CCNJL: variants seen among roughly 807,000 people sequenced by gnomAD.
The protein encoded by CCNJL is cyclin-J-like protein.
CCNJL carries 33 observed loss-of-function variants against 33.4 expected under a neutral mutation model. The observed-to-expected ratio is 0.99, with a 90% CI of 0.75 to 1.32. The LOEUF is 1.32. CCNJL is among the 40% of genes most tolerant of loss of function. The probability of loss-of-function intolerance (pLI) is 0.00; values close to 1 mark genes in which losing one functional copy is unlikely to be tolerated. For synonymous variants in CCNJL, 227 were observed against 220.9 expected (o/e 1.03, Z -0.24); for missense variants, 512 against 499.7 (o/e 1.02, Z -0.23).
At position 160,250,657 on chromosome 5, in the gene CCNJL, C is replaced by G. The variant is rs1277124365; in HGVS notation, c.*2721G>C. 1 of 152,214 alleles carries G rather than the reference C, an allele frequency of 6.6e-6. No homozygotes were observed. Among genetic ancestry groups the G allele is most frequent in the Non-Finnish European group, 1.5e-5 (1 of 68,040 alleles). 9.4% of individuals were successfully genotyped at this position (152,214 alleles called of 1,614,324 possible). ...TTTTTCATAACAGCTGATGCTATATCTCATCAATTCTACATATACATATTT... is the reference window on the plus strand; with the variant it reads ...TTTTTCATAACAGCTGATGCTATATGTCATCAATTCTACATATACATATTT... On this transcript the variant is annotated 3_prime_UTR_variant, in exon 6 of 6. Coordinates refer to ENST00000257536, the MANE Select transcript of CCNJL (RefSeq NM_001308173.3).
chr5:160,249,805 T>A lies in CCNJL; in HGVS notation c.*3573A>T, dbSNP rs929737007. On this transcript the variant is annotated 3_prime_UTR_variant, in exon 6 of 6. Transcript: ENST00000257536. ...ATAAATAAATAAATAAATAAATAAA[T>A]AAAATAAAAATTTAAAAAATCAAAC... 1.7e-4 allele frequency: 24 copies of A among 143,558 alleles called. No homozygotes were observed. Among genetic ancestry groups the A allele is most frequent in the African/African-American group, 2.4e-4 (9 of 37,662 alleles). The allele number at this position is 143,558 out of a possible 1,614,324, so 8.9% of individuals were successfully genotyped here.
At chr5:160,258,898 T>C (rs942370737) in intron 4 of CCNJL, among the ~76,000 whole-genome samples, 1 of 152,200 alleles carries the variant, frequency 6.6e-6, no homozygotes, top group African/African-American at 2.4e-5. Flanking sequence ...GGTTTCCCCA[T>C]GTTGGCCAGG....
intron 3 of CCNJL, among the ~76,000 whole-genome samples, chr5:160,278,066 C>T (rs535662113): frequency 2.0e-5 from 3 of 152,154 alleles, no homozygotes. Flanking sequence ...CACCACCATG[C>T]CCAGCTAATT....
intron 1 of CCNJL, among the ~76,000 whole-genome samples, chr5:160,327,302 G>A (rs1052732279): frequency 2.6e-5 from 4 of 152,212 alleles, no homozygotes; most frequent in Non-Finnish European, 5.9e-5. Context: ...TAGCTACTTT[G>A]TGTCAGGCAC....
chr5:160,308,539 C>T (rs770413205), intron 2 of CCNJL, among the ~76,000 whole-genome samples: 14 of 152,178 alleles, frequency 9.2e-5, no homozygotes, highest in Non-Finnish European at 1.6e-4. Flanking sequence ...TGACGGATAA[C>T]GAGGTCAGGG....
At chr5:160,326,597 T>A in intron 1 of CCNJL, 1 of 498,852 alleles carries the variant, frequency 2.0e-6, no homozygotes, top group Non-Finnish European at 3.9e-6. Flanking sequence ...TCAACTCTAA[T>A]CATAGTCCTC....
At chr5:160,281,065 T>C (rs1580980327) in intron 2 of CCNJL, 1 of 176,066 alleles carries the variant, frequency 5.7e-6, no homozygotes, top group East Asian at 2.8e-4. Context: ...GTCCAAATTC[T>C]TTTTTTTTCC....
chr5:160,299,253 G>A (rs1453828239), intron 2 of CCNJL, among the ~76,000 whole-genome samples: 1 of 152,032 alleles, frequency 6.6e-6, no homozygotes, highest in African/African-American at 2.4e-5. Flanking sequence ...GGGTTTAAGC[G>A]ATTCTCCTGC....
rs7737207 is a variant in CCNJL, at chr5:160,335,977, C to T, written n.206+3468G>A. Among the ~76,000 whole-genome samples, 360 of 152,266 alleles carry T rather than the reference C, an allele frequency of 2.4e-3. 1 individual carries two copies. Among genetic ancestry groups the T allele is most frequent in the African/African-American group, 7.5e-3 (313 of 41,542 alleles). On this transcript the variant is annotated intron_variant and non_coding_transcript_variant, in intron 1 of 7. Coordinates refer to the CCNJL transcript ENST00000377503. Reference sequence around the variant, plus strand: ...AGCAACCACTTACTTTTCAGTCCTCCTCATCGTCCACAATCCAAATACCAG... The same window carrying T: ...AGCAACCACTTACTTTTCAGTCCTCTTCATCGTCCACAATCCAAATACCAG...
intron 2 of CCNJL, among the ~76,000 whole-genome samples, chr5:160,298,729 A>C (rs894697612): frequency 1.3e-5 from 2 of 152,178 alleles, no homozygotes; most frequent in Non-Finnish European, 2.9e-5. Context: ...ACAGCTAGAA[A>C]ACAGGTAGGC....
In CCNJL at chr5:160,249,469, C is replaced by T. The variant is rs1760749213; in HGVS notation, c.*3909G>A. The T allele has an allele frequency of 6.6e-6, 1 of 152,018 alleles. No individual in the cohort carries two copies. Among genetic ancestry groups the T allele is most frequent in the African/African-American group, 2.4e-5 (1 of 41,398 alleles). The allele number at this position is 152,018 out of a possible 1,614,324, so 9.4% of individuals were successfully genotyped here. A position where few individuals can be genotyped will look rare whatever the true frequency, so the allele number is the denominator to read the frequency against. ...CATATAGACGTCAGAAAATACTTTT[C>T]AAAACAAGCTGGACCAGGCGTAGTG... is the stretch of plus-strand genomic sequence containing the variant. On this transcript the variant is annotated 3_prime_UTR_variant, in exon 6 of 6. Coordinates refer to ENST00000257536, the MANE Select transcript of CCNJL (RefSeq NM_001308173.3).
chr5:160,285,904 G>A (rs543280454), intron 2 of CCNJL, among the ~76,000 whole-genome samples: 2 of 152,244 alleles, frequency 1.3e-5, no homozygotes, highest in Non-Finnish European at 2.9e-5. Flanking sequence ...ACAGCTGGTA[G>A]CAGCAGCCAG....
At chr5:160,291,750 G>A (rs1683570447) in intron 2 of CCNJL, among the ~76,000 whole-genome samples, 1 of 152,216 alleles carries the variant, frequency 6.6e-6, no homozygotes, top group Admixed American at 6.5e-5. Context: ...GCCCTAGTAA[G>A]AACGTCCACA....
upstream of CCNJL, among the ~76,000 whole-genome samples, chr5:160,315,777 C>T (rs956612380): frequency 1.3e-5 from 2 of 152,160 alleles, no homozygotes; most frequent in Non-Finnish European, 2.9e-5. Flanking sequence ...AAAATAATCA[C>T]ATGACATATC....
rs1283667586 is a variant in CCNJL at position 160,291,048 on chromosome 5, AAAAAAAAAAAAAAG to A, written c.67-10324_67-10311del. Reference sequence around the variant, plus strand: ...CCCCGTCTTTACTTAAAAAAAAAAAAAAAAAAAAAAAAAGAAAGAAAGAGAGAGAGAAAGAAAGA... The same window carrying A: ...CCCCGTCTTTACTTAAAAAAAAAAAAAAAGAAAGAGAGAGAGAAAGAAAGA... On this transcript the variant is annotated intron_variant, in intron 2 of 5. Coordinates refer to ENST00000257536, the MANE Select transcript of CCNJL (RefSeq NM_001308173.3). Among the ~76,000 whole-genome samples the A allele has an allele frequency of 2.1e-3, 320 of 149,934 alleles. 3 individuals are homozygous for A. Among genetic ancestry groups the A allele is most frequent in the African/African-American group, 7.5e-3 (306 of 40,864 alleles).
chr5:160,282,966 AATATATATATATATATAT>A lies in CCNJL; in HGVS notation c.67-2246_67-2229del, dbSNP rs70990720. 4.3e-3 allele frequency among the ~76,000 whole-genome samples: 188 copies of A among 43,388 alleles called. 9 individuals carry two copies. Among genetic ancestry groups the A allele is most frequent in the African/African-American group, 0.01 (142 of 13,692 alleles). The allele number at this position is 43,388 out of a possible 152,430, so 28.5% of individuals were successfully genotyped here. ...GTGACCCAGCCATTCCAGTCCTTGGAATATATATATATATATATATATATATATATATATATATATATA... is the reference window on the plus strand; with the variant it reads ...GTGACCCAGCCATTCCAGTCCTTGGAATATATATATATATATATATATATA... On this transcript the variant is annotated intron_variant, in intron 2 of 5. Transcript: ENST00000257536.
At chr5:160,329,178 C>T (rs1252744819) in intron 1 of CCNJL, among the ~76,000 whole-genome samples, 2 of 152,062 alleles carry the variant, frequency 1.3e-5, no homozygotes, top group Non-Finnish European at 2.9e-5. Context: ...TTGGACTGAG[C>T]CCCTATACTA....
At chr5:160,303,304 C>G (rs139382340) in intron 2 of CCNJL, among the ~76,000 whole-genome samples, 2 of 152,130 alleles carry the variant, frequency 1.3e-5, no homozygotes, top group African/African-American at 4.8e-5. Context: ...CTCCCGGGTT[C>G]AAGCGATTCT....
chr5:160,306,697 A>C (rs1301091694), intron 2 of CCNJL, among the ~76,000 whole-genome samples: 5 of 152,186 alleles, frequency 3.3e-5, no homozygotes, highest in Admixed American at 3.3e-4. Context: ...TTGGAGAGGG[A>C]AGACTATGTG....
Sources: gnomAD v4.1 joint callset for allele counts (sites outside exome capture counted in the v4.1 genomes callset) on GRCh38, gnomAD v4.1.1 for gene constraint, MANE v1.5 for transcripts, NCBI Gene and HGNC (gene_info 2026-07-23, HGNC 2026-07-21) for gene names.